Variants in EXOC4 observed in about 807,000 individuals in gnomAD.
EXOC4 encodes the protein exocyst complex component 4, also known as SEC8-like 1.
A neutral mutation model predicts 107.2 loss-of-function variants in EXOC4; 71 were observed. That is an observed-to-expected ratio of 0.66 (90% CI 0.55 to 0.81). The LOEUF (loss-of-function observed/expected upper bound fraction) is 0.81. EXOC4 is among the 30% of genes least tolerant of loss of function. EXOC4 has a pLI of 0.00. For missense variants in EXOC4, 1,108 were observed against 1,189.6 expected (o/e 0.93, Z 1.01); for synonymous variants, 456 against 441.2 (o/e 1.03, Z -0.42).
chr7:133,386,508 G>A (rs1298822789), intron 7 of EXOC4, among the ~76,000 whole-genome samples: 1 of 152,172 alleles, frequency 6.6e-6, no homozygotes, highest in East Asian at 1.9e-4. Context: ...ACTCCACTGA[G>A]TACTGCATTC....
intron 11 of EXOC4, among the ~76,000 whole-genome samples, chr7:133,820,525 C>A (rs955457429): frequency 6.6e-6 from 1 of 152,104 alleles, no homozygotes; most frequent in Admixed American, 6.5e-5. Context: ...AGAAATAATT[C>A]TCAAAAATTT....
At chr7:133,500,547 T>C (rs1353045898) in intron 9 of EXOC4, among the ~76,000 whole-genome samples, 2 of 152,194 alleles carry the variant, frequency 1.3e-5, no homozygotes, top group South Asian at 2.1e-4. Flanking sequence ...GTTGTTGATA[T>C]ACATTTGGGT....
At chr7:133,626,799 T>G (rs1331056271) in intron 9 of EXOC4, among the ~76,000 whole-genome samples, 2 of 152,220 alleles carry the variant, frequency 1.3e-5, no homozygotes, top group African/African-American at 4.8e-5. Flanking sequence ...TTGTAGCTTA[T>G]CTTTTGTTGT....
At chr7:133,705,203 C>G (rs546171215) in intron 10 of EXOC4, among the ~76,000 whole-genome samples, 1 of 152,108 alleles carries the variant, frequency 6.6e-6, no homozygotes, top group South Asian at 2.1e-4. Context: ...CCATCTCTTA[C>G]TAAAAATACA....
At chr7:133,492,979 G>A (rs1391097728) in intron 9 of EXOC4, among the ~76,000 whole-genome samples, 36 of 137,134 alleles carry the variant, frequency 2.6e-4, no homozygotes, top group Middle Eastern at 4.0e-3. Context: ...GGAGTGGTGG[G>A]TCTCTGGAAT....
intron 14 of EXOC4, among the ~76,000 whole-genome samples, chr7:133,951,209 G>A (rs1800683055): frequency 6.6e-6 from 1 of 152,128 alleles, no homozygotes; most frequent in Non-Finnish European, 1.5e-5. Context: ...GAATACCAAG[G>A]CAACCTCAAC....
At chr7:133,934,380 G>T (rs970392006) in intron 13 of EXOC4, among the ~76,000 whole-genome samples, 1 of 152,182 alleles carries the variant, frequency 6.6e-6, no homozygotes, top group South Asian at 2.1e-4. Flanking sequence ...TTGTTAGGGG[G>T]TGATTATGGA....
intron 10 of EXOC4, among the ~76,000 whole-genome samples, chr7:133,708,590 G>A (rs1265630677): frequency 6.6e-6 from 1 of 152,182 alleles, no homozygotes. Flanking sequence ...TTTGTTGTGA[G>A]CACTGTGATG....
chr7:133,588,489 A>G (rs1421915158), intron 9 of EXOC4, among the ~76,000 whole-genome samples: 1 of 152,142 alleles, frequency 6.6e-6, no homozygotes, highest in African/African-American at 2.4e-5. Flanking sequence ...TTTTGCCACT[A>G]TTCTCTATTT....
chr7:133,706,243 A>G (rs1794766220), intron 10 of EXOC4, among the ~76,000 whole-genome samples: 1 of 152,204 alleles, frequency 6.6e-6, no homozygotes, highest in Non-Finnish European at 1.5e-5. Flanking sequence ...ATTAGCCTCA[A>G]TATAATTAAA....
intron 9 of EXOC4, among the ~76,000 whole-genome samples, chr7:133,511,820 TG>T (rs1225896228): frequency 1.3e-5 from 2 of 152,190 alleles, no homozygotes; most frequent in Non-Finnish European, 2.9e-5. Flanking sequence ...TGACATATTC[TG>T]GTTCCCTTAA....
At chr7:133,441,477 G>C (rs2150791942) in intron 7 of EXOC4, among the ~76,000 whole-genome samples, 2 of 152,274 alleles carry the variant, frequency 1.3e-5, no homozygotes, top group South Asian at 4.1e-4. Context: ...TGCAGTCTCT[G>C]TCTCCCAGGT....
chr7:133,781,915 A>AG (rs869053344), intron 10 of EXOC4, among the ~76,000 whole-genome samples: 1 of 210 alleles, frequency 4.8e-3, no homozygotes, highest in Non-Finnish European at 0.018. Context: ...GTGATAACAC[A>AG]AAAAAGTTTT....
At chr7:133,286,425 C>T (rs1344706597) in intron 2 of EXOC4, among the ~76,000 whole-genome samples, 1 of 152,078 alleles carries the variant, frequency 6.6e-6, no homozygotes, top group African/African-American at 2.4e-5. Flanking sequence ...TTTCTGTTCC[C>T]CCGTGTCCTG....
intron 9 of EXOC4, among the ~76,000 whole-genome samples, chr7:133,589,213 T>C (rs2150975971): frequency 6.6e-6 from 1 of 152,244 alleles, no homozygotes; most frequent in South Asian, 2.1e-4. Context: ...GGGTGGCCTT[T>C]AAAGATTTTT....
chr7:133,806,109 T>C (rs371043536), intron 10 of EXOC4, among the ~76,000 whole-genome samples: 4 of 152,356 alleles, frequency 2.6e-5, no homozygotes, highest in African/African-American at 9.6e-5. Context: ...AACACTAACA[T>C]AGTGCCTACC....
At chr7:133,837,528 T>G (rs1271055663) in intron 11 of EXOC4, among the ~76,000 whole-genome samples, 1 of 152,220 alleles carries the variant, frequency 6.6e-6, no homozygotes, top group Non-Finnish European at 1.5e-5. Flanking sequence ...AAATGATTCC[T>G]TTATCTTGAA....
chr7:133,860,613 G>A (rs1798513534), intron 11 of EXOC4, among the ~76,000 whole-genome samples: 1 of 152,136 alleles, frequency 6.6e-6, no homozygotes, highest in African/African-American at 2.4e-5. Context: ...AAATGTTGTT[G>A]AATTGAAGAG....
intron 11 of EXOC4, among the ~76,000 whole-genome samples, chr7:133,879,809 A>T (rs1380460528): frequency 6.6e-6 from 1 of 152,088 alleles, no homozygotes; most frequent in Non-Finnish European, 1.5e-5. Context: ...ATTAGACTAG[A>T]TAATAAGGTT....
Sources: allele counts gnomAD v4.1 joint callset (sites outside exome capture counted in the v4.1 genomes callset), GRCh38; gene constraint gnomAD v4.1.1; transcripts MANE v1.5; gene names NCBI Gene and HGNC (gene_info 2026-07-23, HGNC 2026-07-21).